Variants in MTHFD1 observed in about 807,000 individuals in gnomAD.
MTHFD1 encodes C-1-tetrahydrofolate synthase, cytoplasmic.
MTHFD1 carries 44 observed loss-of-function variants against 110.3 expected under a neutral mutation model. The ratio of observed to expected loss-of-function variants is 0.40; its 90% confidence interval spans 0.31 to 0.51. The LOEUF (loss-of-function observed/expected upper bound fraction) is 0.51. MTHFD1 is among the 20% of genes least tolerant of loss of function. MTHFD1 has a pLI of 0.60. For synonymous variants in MTHFD1, 402 were observed against 428.8 expected (o/e 0.94, Z 0.77); for missense variants, 909 against 1,173.1 (o/e 0.77, Z 3.29).
intron 17 of MTHFD1, 54 bp downstream of exon 17, chr14:64,439,226 GC>G: frequency 7.8e-7 from 1 of 1,279,534 alleles, no homozygotes; most frequent in South Asian, 1.2e-5. Context: ...AGATCTTGCT[GC>G]TTCTCTCCTC....
At chr14:64,448,767 A>G (rs1445279547) in intron 23 of MTHFD1, among the ~76,000 whole-genome samples, 3 of 151,746 alleles carry the variant, frequency 2.0e-5, no homozygotes, top group Non-Finnish European at 4.4e-5. Context: ...TTTTGTTATA[A>G]TGGCCTCACC....
At chr14:64,408,126 C>T (rs564869410) in intron 2 of MTHFD1, among the ~76,000 whole-genome samples, 2 of 152,184 alleles carry the variant, frequency 1.3e-5, no homozygotes, top group South Asian at 2.1e-4. Context: ...TGCTGTGACA[C>T]GGTATGTGTC....
chr14:64,422,327 C>T (rs2078081027), intron 8 of MTHFD1, among the ~76,000 whole-genome samples: 7 of 152,098 alleles, frequency 4.6e-5, no homozygotes, highest in Admixed American at 4.6e-4. Context: ...AACTTTTCTA[C>T]CACCGAGCTA....
chr14:64,420,789 C>A (rs1566562595), intron 8 of MTHFD1, among the ~76,000 whole-genome samples: 1 of 152,216 alleles, frequency 6.6e-6, no homozygotes, highest in African/African-American at 2.4e-5. Context: ...AGCCTGTGAT[C>A]TCACTTGCGC....
intron 13 of MTHFD1, among the ~76,000 whole-genome samples, chr14:64,430,632 A>G (rs1386630279): frequency 1.3e-5 from 2 of 152,140 alleles, no homozygotes; most frequent in Admixed American, 6.5e-5. Flanking sequence ...TCTGGAGATT[A>G]GCCTTTTTTG....
At chr14:64,395,758 G>A (rs1429007196) in intron 1 of MTHFD1, among the ~76,000 whole-genome samples, 1 of 152,144 alleles carries the variant, frequency 6.6e-6, no homozygotes, top group African/African-American at 2.4e-5. Flanking sequence ...CGAGCATCCT[G>A]CAGTGCACAG....
rs367652610 is a variant in MTHFD1, at chr14:64,431,961, G to A, written c.1494+100G>A. On this transcript the variant is annotated intron_variant, in intron 15 of 27. Coordinates refer to ENST00000652337, the MANE Select transcript of MTHFD1 (RefSeq NM_005956.4). The stretch of plus-strand genomic sequence containing the variant: ...CTTCTTGGAGTAGCCTATTTTAGAT[G>A]AAGTTACATCAGTAATCATAGTCTT... 9 of 989,360 alleles carry A rather than the reference G, an allele frequency of 9.1e-6. No individual in the cohort carries two copies. The African/African-American group carries it at 1.1e-4, about 12-fold the overall frequency. 61.3% of individuals were successfully genotyped at this position (989,360 alleles called of 1,614,324 possible).
Position 64,453,825 on chromosome 14 carries a change from C to T in MTHFD1, c.2529C>T (p.Pro843=), listed in dbSNP as rs1369613607. 22 of 1,611,842 alleles carry T rather than the reference C, an allele frequency of 1.4e-5. No individual in the cohort carries two copies. The highest frequency in any genetic ancestry group is 4.5e-5 in the East Asian group (2 of 44,834). Residue 843 remains proline (P), a synonymous_variant, in exon 25 of 28, where the codon CCC becomes CCT. Transcript: ENST00000652337. ...IYGADDIELL[P]EAQHKAEVYT... The stretch of plus-strand genomic sequence containing the variant: ...GAGCAGATGACATTGAATTACTTCC[C>T]GAAGCTCAACACAAAGCTGAAGTCT...
Position 64,408,285 on chromosome 14 carries a change from C to CT in MTHFD1, c.127-2785dup, listed in dbSNP as rs1555336630. On this transcript the variant is annotated intron_variant, in intron 2 of 27. Transcript: ENST00000652337. ...CCACCTTCAAGGAGAAATCAGCATT[C>CT]TTTTTTTTTTTTTTTTTTTTGAGAT... 6.0e-3 allele frequency among the ~76,000 whole-genome samples: 724 copies of CT among 121,168 alleles called. 10 individuals are homozygous for CT. Among genetic ancestry groups the CT allele is most frequent in the African/African-American group, 0.022 (676 of 30,538 alleles). 79.5% of individuals were successfully genotyped at this position (121,168 alleles called of 152,430 possible).
chr14:64,394,689 A>G (rs1253006762), intron 1 of MTHFD1, among the ~76,000 whole-genome samples: 2 of 152,070 alleles, frequency 1.3e-5, no homozygotes, highest in Non-Finnish European at 2.9e-5. Flanking sequence ...CTTGACTGCA[A>G]TGAATGACTT....
Position 64,427,334 on chromosome 14 carries a change from A to G in MTHFD1, c.1128-3A>G. 6.2e-7 allele frequency: 1 copy of G among 1,614,162 alleles called. No homozygotes were observed. The highest frequency in any genetic ancestry group is 8.5e-7 in the Non-Finnish European group (1 of 1,180,024). The stretch of plus-strand genomic sequence containing the variant: ...CTTTTTCTCTTTTGCTTTCGTCTTG[A>G]AGAATAACTCCAACACCCCTGGGAG... On this transcript the variant is annotated splice_polypyrimidine_tract_variant and splice_region_variant and intron_variant, in intron 11 of 27. Transcript: ENST00000652337.
intron 15 of MTHFD1, among the ~76,000 whole-genome samples, chr14:64,433,690 C>T (rs1430651645): frequency 1.3e-5 from 2 of 148,424 alleles, no homozygotes; most frequent in African/African-American, 5.0e-5. Context: ...GCTGGGATTA[C>T]TTGCATGAAC....
Position 64,417,410 on chromosome 14 carries a change from G to C in MTHFD1, c.479-478G>C, listed in dbSNP as rs561478640. ...CTATGGCTCAGGCCCTAAGCCAAAAGAGAAATTTGGGTGAGGAACTGTATA... is the reference window on the plus strand; with the variant it reads ...CTATGGCTCAGGCCCTAAGCCAAAACAGAAATTTGGGTGAGGAACTGTATA... On this transcript the variant is annotated intron_variant, in intron 6 of 27. Transcript: ENST00000652337. The surrounding 1 kb of genome is among the most constrained non-coding windows in gnomAD (Gnocchi z 4.4). 5.3e-5 allele frequency among the ~76,000 whole-genome samples: 8 copies of C among 152,300 alleles called. No homozygotes were observed. The South Asian group carries it at 1.5e-3, about 28-fold the overall frequency.
At chr14:64,459,349 G>A (rs1050821958) in intron 27 of MTHFD1, among the ~76,000 whole-genome samples, 1 of 152,130 alleles carries the variant, frequency 6.6e-6, no homozygotes, top group Non-Finnish European at 1.5e-5. Context: ...GAACAGGTTG[G>A]GGGAGCACCT....
At chr14:64,432,271 G>A (rs557427346) in intron 15 of MTHFD1, among the ~76,000 whole-genome samples, 1 of 152,136 alleles carries the variant, frequency 6.6e-6, no homozygotes, top group East Asian at 1.9e-4. Flanking sequence ...AATAGATAAG[G>A]GTCTGTGTTA....
chr14:64,447,574 T>C (rs894321553), intron 22 of MTHFD1, among the ~76,000 whole-genome samples: 11 of 151,384 alleles, frequency 7.3e-5, no homozygotes, highest in African/African-American at 2.7e-4. Flanking sequence ...CCTCCCAAAG[T>C]CCTGGGATTA....
At chr14:64,407,420 G>A (rs1237947516) in intron 2 of MTHFD1, among the ~76,000 whole-genome samples, 3 of 151,238 alleles carry the variant, frequency 2.0e-5, no homozygotes, top group African/African-American at 2.4e-5. Flanking sequence ...AGCTGTAATC[G>A]TGTCATTGCA....
chr14:64,400,885 G>A lies in MTHFD1; in HGVS notation c.126+8G>A. 6.3e-7 allele frequency: 1 copy of A among 1,581,118 alleles called. No homozygotes were observed. Among genetic ancestry groups the A allele is most frequent in the African/African-American group, 1.3e-5 (1 of 74,410 alleles). Reference sequence around the variant, plus strand: ...CGCCTGGCAATATTACAGGTATTATGATAGTGTATTTTCATTAATGTTGTC... The same window carrying A: ...CGCCTGGCAATATTACAGGTATTATAATAGTGTATTTTCATTAATGTTGTC... On this transcript the variant is annotated splice_region_variant and intron_variant, in intron 2 of 27. Transcript: ENST00000652337.
intron 1 of MTHFD1, among the ~76,000 whole-genome samples, chr14:64,392,052 G>C (rs2077810363): frequency 6.6e-6 from 1 of 152,302 alleles, no homozygotes. Flanking sequence ...TTAAATATGG[G>C]AGTCATAGTC....
Sources: allele counts gnomAD v4.1 joint callset (sites outside exome capture counted in the v4.1 genomes callset), GRCh38; gene constraint gnomAD v4.1.1; non-coding constraint Gnocchi (gnomAD v3.1); transcripts MANE v1.5; gene names NCBI Gene and HGNC (gene_info 2026-07-23, HGNC 2026-07-21).